Variants in RAB17 observed in about 807,000 individuals in gnomAD.
RAB17 encodes ras-related protein Rab-17.
Under a neutral mutation model 19.3 loss-of-function variants are expected in RAB17, and 15 were observed. The observed-to-expected ratio is 0.78, with a 90% CI of 0.52 to 1.20. RAB17 has a LOEUF of 1.20. RAB17 is among the 50% of genes most tolerant of loss of function. The pLI is 0.00. For missense variants in RAB17, 262 were observed against 269.3 expected, an observed-to-expected ratio of 0.97 and a Z score of 0.19; for synonymous variants, 110 against 112.8, an observed-to-expected ratio of 0.97 and a Z score of 0.16.
At chr2:237,584,837 G>T (rs1179719876) in intron 2 of RAB17, among the ~76,000 whole-genome samples, 1 of 152,182 alleles carries the variant, frequency 6.6e-6, no homozygotes, top group Non-Finnish European at 1.5e-5. Context: ...CAGGACTTGG[G>T]GGGTGAGGGG....
At chr2:237,580,039 G>C (rs1480006857) in intron 2 of RAB17, among the ~76,000 whole-genome samples, 1 of 152,216 alleles carries the variant, frequency 6.6e-6, no homozygotes, top group Admixed American at 6.5e-5. Context: ...CCACTGGATT[G>C]ACAATGGTGC....
In RAB17 at chr2:237,586,177, T is replaced by TCTGAA. The variant is rs1292795285; in HGVS notation, c.-3-25_-3-21dup. The TCTGAA allele has an allele frequency of 6.4e-7, 1 of 1,562,880 alleles. No homozygotes were observed. Among genetic ancestry groups the TCTGAA allele is most frequent in the African/African-American group, 1.4e-5 (1 of 71,914 alleles). On this transcript the variant is annotated intron_variant, in intron 1 of 5. Transcript: ENST00000264601. Reference sequence around the variant, plus strand: ...CATGCCCTGCAAAGAATCACAACCGTCTGAAGCAAGTGGAACATCGGAGCC... The same window carrying TCTGAA: ...CATGCCCTGCAAAGAATCACAACCGTCTGAACTGAAGCAAGTGGAACATCGGAGCC...
chr2:237,580,537 A>T (rs953666135), intron 2 of RAB17, among the ~76,000 whole-genome samples: 11 of 152,006 alleles, frequency 7.2e-5, no homozygotes, highest in African/African-American at 2.7e-4. Context: ...GGTCGAGTTC[A>T]AGACCAGCCT....
At chr2:237,582,675 C>T (rs1241694539) in intron 2 of RAB17, among the ~76,000 whole-genome samples, 3 of 152,178 alleles carry the variant, frequency 2.0e-5, no homozygotes, top group South Asian at 2.1e-4. Flanking sequence ...TGAAGCCACA[C>T]GTGACAAAAG....
At position 237,575,048 on chromosome 2, in the gene RAB17, C is replaced by A. The variant is rs755087792; in HGVS notation, c.610G>T (p.Ala204Ser). Residue 204 changes from alanine (A) to serine (S), a missense_variant, in exon 6 of 6, where the codon GCG becomes TCG. Ala to Ser is a moderately conservative substitution (Grantham distance 99). Coordinates refer to ENST00000264601, the MANE Select transcript of RAB17 (RefSeq NM_022449.4). ...DAAVALNKGPARQAKCCAH is the reference protein window; with the variant it reads ...DAAVALNKGPSRQAKCCAH ...TGGGCGCAGCATTTGGCCTGCCTCG[C>A]GGGCCCCTTGTTCAGAGCCACAGCT... The A allele has an allele frequency of 6.2e-6, 10 of 1,613,352 alleles. No homozygotes were observed. The East Asian group carries it at 2.0e-4, about 32-fold the overall frequency.
chr2:237,577,407 A>AT (rs1411459923), intron 3 of RAB17, 25 bp from the exon 4 acceptor site: 25 of 1,587,746 alleles, frequency 1.6e-5, no homozygotes, highest in Non-Finnish European at 2.1e-5. Context: ...AAAAAGTAAC[A>AT]TCAAACAAAA....
chr2:237,583,174 C>CA (rs1559397246), intron 2 of RAB17, among the ~76,000 whole-genome samples: 1 of 152,062 alleles, frequency 6.6e-6, no homozygotes, highest in African/African-American at 2.4e-5. Context: ...CCTATCTCTA[C>CA]AAAAAATATA....
intron 2 of RAB17, chr2:237,578,463 T>C (rs1009563551): frequency 4.3e-6 from 1 of 235,238 alleles, no homozygotes; most frequent in Non-Finnish European, 8.3e-6. Flanking sequence ...GATCTCCACT[T>C]ACTGGGAGTC....
intron 1 of RAB17, among the ~76,000 whole-genome samples, chr2:237,588,951 A>C (rs2081371214): frequency 6.6e-6 from 1 of 152,174 alleles, no homozygotes. Flanking sequence ...GGCTGGGCGC[A>C]GTGGCTCATG....
intron 2 of RAB17, among the ~76,000 whole-genome samples, chr2:237,584,923 C>T (rs1461619944): frequency 6.6e-6 from 1 of 152,182 alleles, no homozygotes; most frequent in Non-Finnish European, 1.5e-5. Flanking sequence ...CCCCAGGGTC[C>T]CCCTCTGCAG....
chr2:237,578,018 C>T lies in RAB17; in HGVS notation c.295G>A (p.Asp99Asn), dbSNP rs369387705. The T allele has an allele frequency of 1.7e-5, 27 of 1,605,864 alleles. No individual in the cohort carries two copies. The South Asian group carries it at 2.8e-4, about 16-fold the overall frequency. The change falls in exon 3 of 6, where the codon GAC becomes AAC. Residue 99 changes from aspartate to asparagine, a missense_variant. By Grantham distance (23) the Asp-to-Asn change is conservative. Transcript: ENST00000264601. ...GCGGGCCCTACCTTCCTGGTGATGTCGTACACCAGAAGCGCAGCGTTGGCA... is the reference window on the plus strand; with the variant it reads ...GCGGGCCCTACCTTCCTGGTGATGTTGTACACCAGAAGCGCAGCGTTGGCA... Reference protein sequence around the residue: ...RGANAALLVYDITRKDSFLKA... With the variant: ...RGANAALLVYNITRKDSFLKA...
intron 2 of RAB17, among the ~76,000 whole-genome samples, chr2:237,581,711 A>C (rs2081309931): frequency 6.6e-6 from 1 of 152,204 alleles, no homozygotes; most frequent in South Asian, 2.1e-4. Flanking sequence ...CATGAAATGG[A>C]AACTTATTTT....
chr2:237,584,712 T>A (rs1005387280), intron 2 of RAB17, among the ~76,000 whole-genome samples: 11 of 152,134 alleles, frequency 7.2e-5, no homozygotes, highest in Admixed American at 2.0e-4. Context: ...GGTACAAAGC[T>A]CTCAACATCC....
intron 3 of RAB17, chr2:237,577,706 C>T: frequency 2.1e-6 from 1 of 468,192 alleles, no homozygotes; most frequent in Middle Eastern, 5.7e-4. Context: ...CTCAAAGGAC[C>T]ACTTTGTGCA....
Position 237,574,611 on chromosome 2 carries a change from A to T in RAB17, c.*408T>A. ...TCTGGCCTGCTCCCCAACCCCCCAGAAGCAGGTGGGCCCAGGCTCCAGGCC... is the reference window on the plus strand; with the variant it reads ...TCTGGCCTGCTCCCCAACCCCCCAGTAGCAGGTGGGCCCAGGCTCCAGGCC... On this transcript the variant is annotated 3_prime_UTR_variant, in exon 6 of 6. Coordinates refer to ENST00000264601, the MANE Select transcript of RAB17 (RefSeq NM_022449.4). The T allele has an allele frequency of 2.0e-6, 3 of 1,531,808 alleles. No individual in the cohort carries two copies. The highest frequency in any genetic ancestry group is 2.6e-6 in the Non-Finnish European group (3 of 1,136,314). 94.9% of individuals were successfully genotyped at this position (1,531,808 alleles called of 1,614,324 possible). A position where few individuals can be genotyped will look rare whatever the true frequency, so the allele number is the denominator to read the frequency against.
At chr2:237,585,218 T>C (rs1204056427) in intron 2 of RAB17, among the ~76,000 whole-genome samples, 2 of 150,476 alleles carry the variant, frequency 1.3e-5, no homozygotes, top group Admixed American at 6.6e-5. Flanking sequence ...AATGAATGAG[T>C]GAATTTGGAG....
intron 2 of RAB17, among the ~76,000 whole-genome samples, chr2:237,582,571 C>A (rs2149186493): frequency 6.6e-6 from 1 of 152,342 alleles, no homozygotes; most frequent in African/African-American, 2.4e-5. Context: ...CATTTCCAGG[C>A]CGCCTGTGAG....
chr2:237,588,870 A>G (rs2081370590), intron 1 of RAB17, among the ~76,000 whole-genome samples: 1 of 152,222 alleles, frequency 6.6e-6, no homozygotes, highest in South Asian at 2.1e-4. Flanking sequence ...CACCATGACC[A>G]CTGGGATGCC....
At position 237,578,084 on chromosome 2, in the gene RAB17, G is replaced by A; in HGVS notation, c.229C>T (p.Gln77Ter). ...LKLEIWDTAG[Q>*]EKYHSVCHLY... ...TGGCAGACGCTGTGGTACTTCTCCTGGCCAGCTGTGTCCCAGATCTCAAGC... is the reference window on the plus strand; with the variant it reads ...TGGCAGACGCTGTGGTACTTCTCCTAGCCAGCTGTGTCCCAGATCTCAAGC... Residue 77 changes from glutamine to a stop codon, truncating the protein, a stop_gained, in exon 3 of 6, where the codon CAG becomes TAG. Coordinates refer to ENST00000264601, the MANE Select transcript of RAB17 (RefSeq NM_022449.4). LOFTEE classifies it high-confidence loss of function. 1 of 1,613,936 alleles carries A rather than the reference G, an allele frequency of 6.2e-7. No homozygotes were observed. The highest frequency in any genetic ancestry group is 8.5e-7 in the Non-Finnish European group (1 of 1,179,798).
Sources: gnomAD v4.1 joint callset for allele counts (sites outside exome capture counted in the v4.1 genomes callset) on GRCh38, gnomAD v4.1.1 for gene constraint, MANE v1.5 for transcripts, NCBI Gene and HGNC (gene_info 2026-07-23, HGNC 2026-07-21) for gene names.